FAM163A: variants seen among roughly 807,000 people sequenced by gnomAD.
FAM163A encodes protein FAM163A.
Under a neutral mutation model 12.0 loss-of-function variants are expected in FAM163A, and 7 were observed. The observed-to-expected ratio is 0.58, with a 90% CI of 0.33 to 1.10. The LOEUF is 1.10. Among genes scored for constraint, FAM163A ranks in the 50% least tolerant of loss-of-function variants. The pLI is 0.03. For missense variants in FAM163A, 202 were observed against 218.6 expected (o/e 0.92, Z 0.48); for synonymous variants, 101 against 91.0 (o/e 1.11, Z -0.62).
chr1:179,740,163 T>G (rs1431927263), upstream of FAM163A, among the ~76,000 whole-genome samples: 3 of 131,468 alleles, frequency 2.3e-5, no homozygotes, highest in South Asian at 5.6e-4. Flanking sequence ...GTGGCAACTT[T>G]ATTTGGTTTT....
intron 1 of FAM163A, among the ~76,000 whole-genome samples, chr1:179,805,982 T>C (rs997247867): frequency 7.9e-5 from 12 of 152,142 alleles, no homozygotes; most frequent in African/African-American, 2.9e-4. Context: ...TCAGTTCAGG[T>C]CTTCTCCCTG....
chr1:179,732,444 T>C, the FAM163A span, among the ~76,000 whole-genome samples: 1 of 152,156 alleles, frequency 6.6e-6, no homozygotes, highest in Non-Finnish European at 1.5e-5. Flanking sequence ...TGACCCTCAG[T>C]TTGCTGTACC....
chr1:179,781,546 G>A (rs558155823), intron 1 of FAM163A, among the ~76,000 whole-genome samples: 2 of 151,996 alleles, frequency 1.3e-5, no homozygotes, highest in Non-Finnish European at 2.9e-5. Context: ...GGCTTCCTGG[G>A]GCAAGTGTAC....
At chr1:179,733,120 A>G in the FAM163A span, among the ~76,000 whole-genome samples, 1 of 152,196 alleles carries the variant, frequency 6.6e-6, no homozygotes, top group African/African-American at 2.4e-5. Context: ...TAAAGCTATC[A>G]TGTATTGCAT....
chr1:179,759,329 A>C (rs1686473200), intron 1 of FAM163A, among the ~76,000 whole-genome samples: 1 of 152,006 alleles, frequency 6.6e-6, no homozygotes, highest in Non-Finnish European at 1.5e-5. Context: ...CAGTATTATC[A>C]AACAAATGAT....
At chr1:179,767,132 T>C (rs1005617246) in intron 1 of FAM163A, among the ~76,000 whole-genome samples, 6 of 152,112 alleles carry the variant, frequency 3.9e-5, no homozygotes, top group Non-Finnish European at 7.4e-5. Flanking sequence ...AGAGATGATA[T>C]CAGGCACCAA....
rs573470357 is a variant in FAM163A at position 179,814,026 on chromosome 1, C to T, written c.341C>T (p.Pro114Leu). Residue 114 changes from proline to leucine, a missense_variant, in exon 5 of 5, where the codon CCC (proline) becomes CTC (leucine). Coordinates refer to ENST00000341785, the MANE Select transcript of FAM163A (RefSeq NM_173509.3). Reference protein sequence around the residue: ...PFYIRTADMVPNGGGGERLSF... With the variant: ...PFYIRTADMVLNGGGGERLSF... ...TACATACGGACGGCTGACATGGTGC[C>T]CAATGGGGGTGGAGGCGAGAGGCTC... 16 of 1,613,336 alleles carry T rather than the reference C, an allele frequency of 9.9e-6. No individual in the cohort carries two copies. In the South Asian group the frequency reaches 1.5e-4, roughly 16 times the overall value.
At chr1:179,763,810 T>A (rs970557933) in intron 1 of FAM163A, among the ~76,000 whole-genome samples, 1 of 152,180 alleles carries the variant, frequency 6.6e-6, no homozygotes, top group Non-Finnish European at 1.5e-5. Flanking sequence ...ATGCTTGGAC[T>A]TGTGCAATGG....
chr1:179,778,686 T>A (rs933436830), intron 1 of FAM163A, among the ~76,000 whole-genome samples: 1 of 151,892 alleles, frequency 6.6e-6, no homozygotes, highest in African/African-American at 2.4e-5. Context: ...TGGGGAAAGG[T>A]ACACGGATCA....
chr1:179,812,253 G>C (rs545231615), intron 3 of FAM163A, 122 bp downstream of exon 3: 1 of 152,570 alleles, frequency 6.6e-6, no homozygotes, highest in Non-Finnish European at 1.5e-5. Context: ...CCTAAAAGGA[G>C]AATCTGTCTG....
intron 1 of FAM163A, among the ~76,000 whole-genome samples, chr1:179,797,475 G>A (rs1156899333): frequency 6.6e-6 from 1 of 152,094 alleles, no homozygotes; most frequent in Non-Finnish European, 1.5e-5. Context: ...AATAAGACTT[G>A]TCAAGACAGG....
intron 4 of FAM163A, 38 bp downstream of exon 4, chr1:179,813,228 C>T: frequency 6.5e-7 from 1 of 1,534,796 alleles, no homozygotes; most frequent in Non-Finnish European, 8.8e-7. Flanking sequence ...GCTGCCAGGC[C>T]ACCAGCAAAC....
intron 1 of FAM163A, among the ~76,000 whole-genome samples, chr1:179,782,125 C>T (rs915553326): frequency 6.6e-6 from 1 of 152,004 alleles, no homozygotes; most frequent in African/African-American, 2.4e-5. Context: ...GGGGAACAGG[C>T]GAAATGATCT....
intron 1 of FAM163A, among the ~76,000 whole-genome samples, chr1:179,786,125 T>G (rs1253234040): frequency 6.6e-6 from 1 of 152,238 alleles, no homozygotes; most frequent in African/African-American, 2.4e-5. Context: ...TTTTTAATCT[T>G]GACCAAGTTG....
At chr1:179,801,364 C>A (rs1431267358) in intron 1 of FAM163A, among the ~76,000 whole-genome samples, 1 of 152,136 alleles carries the variant, frequency 6.6e-6, no homozygotes, top group African/African-American at 2.4e-5. Flanking sequence ...ACCCCATACC[C>A]ACACAGCTCT....
intron 1 of FAM163A, among the ~76,000 whole-genome samples, chr1:179,770,943 A>G (rs1029833218): frequency 6.6e-6 from 1 of 152,140 alleles, no homozygotes; most frequent in African/African-American, 2.4e-5. Flanking sequence ...CAGTATCCTC[A>G]AGTCCGCAGA....
At chr1:179,768,762 T>C (rs1687855897) in intron 1 of FAM163A, among the ~76,000 whole-genome samples, 1 of 152,010 alleles carries the variant, frequency 6.6e-6, no homozygotes, top group Non-Finnish European at 1.5e-5. Context: ...CACGGCACCA[T>C]GCCCAGCTAA....
intron 1 of FAM163A, among the ~76,000 whole-genome samples, chr1:179,758,466 C>T (rs943955695): frequency 2.6e-5 from 4 of 152,194 alleles, no homozygotes; most frequent in Admixed American, 6.5e-5. Context: ...TACTCCATCA[C>T]CTTTCTCTCT....
upstream of FAM163A, among the ~76,000 whole-genome samples, chr1:179,740,907 CT>C (rs1683560294): frequency 1.3e-5 from 2 of 152,068 alleles, no homozygotes; most frequent in South Asian, 4.2e-4. Flanking sequence ...GTGAAGGGTA[CT>C]TGCAATCTCT....
Sources: gnomAD v4.1 joint callset for allele counts (sites outside exome capture counted in the v4.1 genomes callset) on GRCh38, gnomAD v4.1.1 for gene constraint, MANE v1.5 for transcripts, NCBI Gene and HGNC (gene_info 2026-07-23, HGNC 2026-07-21) for gene names.